The following LDB2 variants were observed in gnomAD, a reference collection of about 807,000 sequenced individuals.
The protein encoded by LDB2 is LIM domain-binding protein 2.
LDB2 carries 12 observed loss-of-function variants against 44.3 expected under a neutral mutation model. That is an observed-to-expected ratio of 0.27 (90% CI 0.17 to 0.44). LDB2 has a LOEUF of 0.44. Ranked by LOEUF, LDB2 falls within the 20% of genes least tolerant of loss-of-function variation. LDB2 has a pLI of 1.00. For synonymous variants in LDB2, 164 were observed against 174.8 expected (o/e 0.94, Z 0.49); for missense variants, 344 against 473.5 (o/e 0.73, Z 2.54).
rs112353123 is a variant in LDB2, at chr4:16,610,588, A to G, written c.236-14713T>C. Among the ~76,000 whole-genome samples the G allele has an allele frequency of 3.1e-3, 465 of 152,228 alleles. 3 individuals carry two copies. The highest frequency in any genetic ancestry group is 5.4e-3 in the Admixed American group (82 of 15,284). ...AGCAGACACAAGTATCAACAGCCAA[A>G]TCGAACAAGTGGAAGAAAGAATATC... On this transcript the variant is annotated intron_variant, in intron 2 of 7. Coordinates refer to ENST00000304523, the MANE Select transcript of LDB2 (RefSeq NM_001290.5).
intron 2 of LDB2, among the ~76,000 whole-genome samples, chr4:16,617,076 G>A (rs533757794): frequency 6.6e-6 from 1 of 152,146 alleles, no homozygotes; most frequent in East Asian, 1.9e-4. Context: ...AACAGCATGG[G>A]TTTATGGCAA....
chr4:16,673,550 T>C (rs953142965), intron 2 of LDB2, among the ~76,000 whole-genome samples: 2 of 152,304 alleles, frequency 1.3e-5, no homozygotes, highest in Non-Finnish European at 2.9e-5. Flanking sequence ...AATTGTTCCA[T>C]CAGATTTGAG....
intron 2 of LDB2, among the ~76,000 whole-genome samples, chr4:16,711,911 C>T (rs1190091444): frequency 1.3e-5 from 2 of 152,132 alleles, no homozygotes; most frequent in Non-Finnish European, 2.9e-5. Flanking sequence ...ATTTGAATCC[C>T]TATCTTACAT....
intron 6 of LDB2, among the ~76,000 whole-genome samples, chr4:16,509,154 G>A (rs1377645555): frequency 6.6e-6 from 1 of 152,146 alleles, no homozygotes; most frequent in Non-Finnish European, 1.5e-5. Flanking sequence ...TCATGAGCCA[G>A]TGTGCAACAG....
In LDB2 at chr4:16,776,009, G is replaced by T. The variant is rs187514674; in HGVS notation, c.133-16749C>A. ...CCTTGTCAACTAGAGATCACAACTT[G>T]CAAGAGAAAAGAGAGCTTTAGAAAA... is the stretch of plus-strand genomic sequence containing the variant. On this transcript the variant is annotated intron_variant, in intron 1 of 7. Transcript: ENST00000304523. Among the ~76,000 whole-genome samples, 4 of 152,280 alleles carry T rather than the reference G, an allele frequency of 2.6e-5. No individual in the cohort carries two copies. The East Asian group carries it at 7.7e-4, about 29-fold the overall frequency.
chr4:16,778,333 G>C (rs1772415840), intron 1 of LDB2, among the ~76,000 whole-genome samples: 1 of 152,070 alleles, frequency 6.6e-6, no homozygotes, highest in African/African-American at 2.4e-5. Context: ...GCTTCCTCAT[G>C]AGCTATATCA....
rs6148319 is a variant in LDB2 at position 16,812,582 on chromosome 4, TTATATATATA to T, written c.133-53332_133-53323del. Among the ~76,000 whole-genome samples, 731 of 115,556 alleles carry T rather than the reference TTATATATATA, an allele frequency of 6.3e-3. 9 individuals are homozygous for T. Among genetic ancestry groups the T allele is most frequent in the African/African-American group, 0.026 (660 of 25,834 alleles). 75.8% of individuals were successfully genotyped at this position (115,556 alleles called of 152,430 possible). A position where few individuals can be genotyped will look rare whatever the true frequency, so the allele number is the denominator to read the frequency against. On this transcript the variant is annotated intron_variant, in intron 1 of 7. Coordinates refer to ENST00000304523, the MANE Select transcript of LDB2 (RefSeq NM_001290.5). ...ATACTTGAGGCTGGAATCAATGAAA[TTATATATATA>T]TATATATATATATATATATATATCT...
chr4:16,858,363 G>A (rs1789796285), intron 1 of LDB2, among the ~76,000 whole-genome samples: 1 of 152,182 alleles, frequency 6.6e-6, no homozygotes. Flanking sequence ...GCTCCAAGGA[G>A]GGCTTCATGC....
At chr4:16,751,460 G>T (rs549270673) in intron 2 of LDB2, among the ~76,000 whole-genome samples, 4 of 152,266 alleles carry the variant, frequency 2.6e-5, no homozygotes, top group Admixed American at 1.3e-4. Context: ...TGGCCAATTT[G>T]CAACTTCTGA....
intron 1 of LDB2, among the ~76,000 whole-genome samples, chr4:16,776,391 A>G (rs1771908119): frequency 6.6e-6 from 1 of 152,216 alleles, no homozygotes; most frequent in Non-Finnish European, 1.5e-5. Context: ...AGTGATGGCT[A>G]AAGTGGAGAC....
chr4:16,508,434 G>GC, intron 7 of LDB2, 101 bp downstream of exon 7: 2 of 1,053,774 alleles, frequency 1.9e-6, no homozygotes, highest in East Asian at 2.9e-5. Flanking sequence ...ACCTGCCCAG[G>GC]ATTTTTTTTT....
At chr4:16,653,757 A>G (rs1172736383) in intron 2 of LDB2, 1 of 152,220 alleles carries the variant, frequency 6.6e-6, no homozygotes, top group African/African-American at 2.4e-5. Context: ...TCCAGTGGAC[A>G]AGAATGGGAG....
intron 2 of LDB2, among the ~76,000 whole-genome samples, chr4:16,608,396 A>G (rs891645067): frequency 6.6e-6 from 1 of 152,188 alleles, no homozygotes; most frequent in African/African-American, 2.4e-5. Flanking sequence ...AACCGTTCCA[A>G]CAGAGAATTA....
chr4:16,716,377 A>C (rs1757078708), intron 2 of LDB2, among the ~76,000 whole-genome samples: 1 of 152,180 alleles, frequency 6.6e-6, no homozygotes. Flanking sequence ...TTTGGGATGA[A>C]GTGGAGAATT....
intron 5 of LDB2, among the ~76,000 whole-genome samples, chr4:16,571,042 A>G (rs1746351128): frequency 6.6e-6 from 1 of 152,176 alleles, no homozygotes; most frequent in African/African-American, 2.4e-5. Flanking sequence ...TATGTTGGAA[A>G]AGCAAAAATC....
chr4:16,759,293 G>A, intron 1 of LDB2, 33 bp from the exon 2 acceptor site: 4 of 1,418,548 alleles, frequency 2.8e-6, no homozygotes, highest in Non-Finnish European at 4.0e-6. Flanking sequence ...TTTAACAAGG[G>A]AAAGTGGGAA....
chr4:16,548,555 A>G (rs896526282), intron 5 of LDB2, among the ~76,000 whole-genome samples: 2 of 152,144 alleles, frequency 1.3e-5, no homozygotes, highest in Non-Finnish European at 2.9e-5. Context: ...TTTTATTCCT[A>G]TATGTACCTT....
At chr4:16,616,011 T>A (rs966166839) in intron 2 of LDB2, among the ~76,000 whole-genome samples, 1 of 152,202 alleles carries the variant, frequency 6.6e-6, no homozygotes. Context: ...GTTGTACAGA[T>A]GGTATAAAAC....
chr4:16,657,615 C>T (rs368691264), intron 2 of LDB2, among the ~76,000 whole-genome samples: 1 of 152,188 alleles, frequency 6.6e-6, no homozygotes, highest in Non-Finnish European at 1.5e-5. Context: ...TATCTAATCA[C>T]TTTTTTCACT....
Sources: gnomAD v4.1 joint callset for allele counts (sites outside exome capture counted in the v4.1 genomes callset) on GRCh38, gnomAD v4.1.1 for gene constraint, MANE v1.5 for transcripts, NCBI Gene and HGNC (gene_info 2026-07-23, HGNC 2026-07-21) for gene names.